The following PDE10A variants were observed in gnomAD, a reference collection of about 807,000 sequenced individuals.
The protein encoded by PDE10A is phosphodiesterase 10A.
In PDE10A, 39 loss-of-function variants were observed where a neutral mutation model predicts 97.7. That is an observed-to-expected ratio of 0.40 (90% CI 0.31 to 0.52). The LOEUF (loss-of-function observed/expected upper bound fraction) is 0.52. Ranked by LOEUF, PDE10A falls within the 20% of genes least tolerant of loss-of-function variation. The pLI, the probability that PDE10A is intolerant of heterozygous loss-of-function variation, is 0.56. For synonymous variants in PDE10A, 371 were observed against 376.8 expected (o/e 0.98, Z 0.18); for missense variants, 731 against 1,047.8 (o/e 0.70, Z 4.17).
At chr6:165,600,053 C>T (rs1346079574) in intron 1 of PDE10A, among the ~76,000 whole-genome samples, 1 of 152,162 alleles carries the variant, frequency 6.6e-6, no homozygotes, top group African/African-American at 2.4e-5. Flanking sequence ...CACAGTCCGA[C>T]CGGGGAATCC....
intron 1 of PDE10A, among the ~76,000 whole-genome samples, chr6:165,927,647 CATATATATAT>C (rs71029572): frequency 0.082 from 6,029 of 73,252 alleles, 355 homozygotes; most frequent in Middle Eastern, 0.12. Flanking sequence ...ATGAGAATGA[CATATATATAT>C]ATATATATAT....
At chr6:165,491,881 C>T (rs1282347296) in intron 2 of PDE10A, among the ~76,000 whole-genome samples, 3 of 150,068 alleles carry the variant, frequency 2.0e-5, no homozygotes, top group Admixed American at 6.6e-5. Flanking sequence ...TAAATGAAAT[C>T]GAAACAAAAA....
In PDE10A at chr6:165,653,836, G is replaced by A. The variant is rs188184907; in HGVS notation, c.865+8111C>T. ...CCCAATGCAAAGCTGGACTCAGTGC[G>A]TAAGGAAGACCTGATCCACCGTGCC... On this transcript the variant is annotated intron_variant, in intron 1 of 21. Transcript: ENST00000539869. 1.8e-3 allele frequency among the ~76,000 whole-genome samples: 145 copies of A among 82,552 alleles called. 1 individual carries two copies. Among genetic ancestry groups the A allele is most frequent in the Middle Eastern group, 0.022 (2 of 92 alleles). 54.2% of individuals were successfully genotyped at this position (82,552 alleles called of 152,430 possible).
chr6:165,901,880 C>T (rs113450713), intron 1 of PDE10A, among the ~76,000 whole-genome samples: 1 of 151,964 alleles, frequency 6.6e-6, no homozygotes, highest in Non-Finnish European at 1.5e-5. Flanking sequence ...AAGCCCAGCC[C>T]GTCACATAAA....
rs1386969535 is a variant in PDE10A, at chr6:165,327,951, T to G, written c.*5074A>C. 1 of 152,234 alleles carries G rather than the reference T, an allele frequency of 6.6e-6. No individual in the cohort carries two copies. Among genetic ancestry groups the G allele is most frequent in the East Asian group, 1.9e-4 (1 of 5,192 alleles). 9.4% of individuals were successfully genotyped at this position (152,234 alleles called of 1,614,324 possible). ...AAACTCTTAGATGCCTTAGCTACGT[T>G]ATGGATCTAGGATCTCTTTTGTTCA... is the stretch of plus-strand genomic sequence containing the variant. On this transcript the variant is annotated 3_prime_UTR_variant, in exon 22 of 22. Coordinates refer to ENST00000539869, the MANE Select transcript of PDE10A (RefSeq NM_001385079.1).
chr6:165,647,541 T>A (rs552370282), intron 1 of PDE10A, among the ~76,000 whole-genome samples: 2 of 152,230 alleles, frequency 1.3e-5, no homozygotes, highest in South Asian at 2.1e-4. Context: ...TTTTTTTTTT[T>A]AGTTCTTTTT....
At chr6:165,871,997 T>C (rs1240464833) in intron 1 of PDE10A, among the ~76,000 whole-genome samples, 5 of 152,152 alleles carry the variant, frequency 3.3e-5, no homozygotes, top group Admixed American at 6.5e-5. Context: ...TGGGCCAAGA[T>C]TGTGGAGGTG....
chr6:165,497,385 A>G (rs187147872), intron 2 of PDE10A, among the ~76,000 whole-genome samples: 1 of 152,320 alleles, frequency 6.6e-6, no homozygotes, highest in Admixed American at 6.5e-5. Context: ...CTCCTATAGA[A>G]AATGTAACAA....
chr6:165,531,299 A>C (rs1159303381), intron 2 of PDE10A, among the ~76,000 whole-genome samples: 3 of 151,484 alleles, frequency 2.0e-5, no homozygotes, highest in Non-Finnish European at 2.9e-5. Flanking sequence ...TCTGTGTCTA[A>C]TGCTTAGCAA....
At chr6:165,826,708 C>T (rs923448781) in intron 1 of PDE10A, among the ~76,000 whole-genome samples, 2 of 150,744 alleles carry the variant, frequency 1.3e-5, no homozygotes, top group Non-Finnish European at 1.5e-5. Context: ...GGAGCGGGCG[C>T]GTGGTACTCT....
chr6:165,565,191 T>C (rs765105663), intron 1 of PDE10A, among the ~76,000 whole-genome samples: 3 of 152,166 alleles, frequency 2.0e-5, no homozygotes, highest in South Asian at 2.1e-4. Flanking sequence ...ACTGTCTATA[T>C]AGAAAAATTT....
At chr6:165,603,482 G>A (rs1185492734) in intron 1 of PDE10A, among the ~76,000 whole-genome samples, 1 of 152,220 alleles carries the variant, frequency 6.6e-6, no homozygotes, top group African/African-American at 2.4e-5. Context: ...GAAAACATAG[G>A]AAATAGCTAT....
chr6:165,867,184 A>C (rs1449204528), intron 1 of PDE10A, among the ~76,000 whole-genome samples: 1 of 151,748 alleles, frequency 6.6e-6, no homozygotes, highest in Non-Finnish European at 1.5e-5. Context: ...GAACACCATA[A>C]ATGTAAATGG....
At chr6:165,473,552 G>A (rs73247713) in intron 3 of PDE10A, among the ~76,000 whole-genome samples, 1,811 of 152,122 alleles carry the variant, frequency 0.012, 35 homozygotes, top group African/African-American at 0.041. Flanking sequence ...CATAACCTCC[G>A]TCTTCTCAAA....
At chr6:165,817,122 G>A (rs560998000) in intron 1 of PDE10A, among the ~76,000 whole-genome samples, 4 of 152,188 alleles carry the variant, frequency 2.6e-5, no homozygotes, top group South Asian at 4.1e-4. Context: ...AGCCTCCCAC[G>A]GTGCCTCTCC....
At chr6:165,756,847 C>T (rs183781702) in intron 1 of PDE10A, among the ~76,000 whole-genome samples, 148 of 152,140 alleles carry the variant, frequency 9.7e-4, no homozygotes, top group African/African-American at 3.1e-3. Flanking sequence ...ATGTGAAAAA[C>T]GGCATCTCAG....
chr6:165,847,913 C>A (rs1394452263), intron 1 of PDE10A, among the ~76,000 whole-genome samples: 1 of 152,196 alleles, frequency 6.6e-6, no homozygotes, highest in Non-Finnish European at 1.5e-5. Flanking sequence ...TTATTGCATT[C>A]AATGGAAATT....
At chr6:165,751,187 T>C (rs567658366) in intron 1 of PDE10A, among the ~76,000 whole-genome samples, 20 of 152,274 alleles carry the variant, frequency 1.3e-4, no homozygotes, top group East Asian at 7.7e-4. Context: ...ACCAAGCACC[T>C]TTCCCACTGG....
At chr6:165,604,037 T>C (rs918966440) in intron 1 of PDE10A, among the ~76,000 whole-genome samples, 2 of 152,184 alleles carry the variant, frequency 1.3e-5, no homozygotes, top group Admixed American at 6.5e-5. Context: ...AGAAAATATT[T>C]AGGATTAGCC....
Sources: gnomAD v4.1 joint callset for allele counts (sites outside exome capture counted in the v4.1 genomes callset) on GRCh38, gnomAD v4.1.1 for gene constraint, MANE v1.5 for transcripts, NCBI Gene and HGNC (gene_info 2026-07-23, HGNC 2026-07-21) for gene names.